SNX24: variants seen among roughly 807,000 people sequenced by gnomAD.
SNX24 encodes the protein sorting nexin-24.
In SNX24, 22 loss-of-function variants were observed where a neutral mutation model predicts 28.7. The observed-to-expected ratio is 0.77, with a 90% CI of 0.55 to 1.10. The LOEUF (loss-of-function observed/expected upper bound fraction) is 1.10. SNX24 is among the 50% of genes least tolerant of loss of function. SNX24 has a pLI of 0.00. For synonymous variants in SNX24, 69 were observed against 71.5 expected, an observed-to-expected ratio of 0.96 and a Z score of 0.18; for missense variants, 221 against 201.1, an observed-to-expected ratio of 1.10 and a Z score of -0.60.
intron 1 of SNX24, among the ~76,000 whole-genome samples, chr5:122,918,235 T>C (rs746184806): frequency 3.9e-5 from 6 of 151,938 alleles, no homozygotes; most frequent in Non-Finnish European, 8.8e-5. Context: ...AGCATACGAA[T>C]TGGGAGGTGG....
chr5:122,915,195 C>T (rs970647974), intron 1 of SNX24, among the ~76,000 whole-genome samples: 4 of 152,112 alleles, frequency 2.6e-5, no homozygotes, highest in Non-Finnish European at 5.9e-5. Context: ...TTAAAATTTG[C>T]CCACTTTCAT....
intron 1 of SNX24, among the ~76,000 whole-genome samples, chr5:122,922,901 G>A (rs1172657901): frequency 6.6e-6 from 1 of 152,086 alleles, no homozygotes; most frequent in Non-Finnish European, 1.5e-5. Context: ...CCTTGAATAG[G>A]GTCTAGCACA....
chr5:122,871,455 A>G (rs1755975577), intron 1 of SNX24, among the ~76,000 whole-genome samples: 1 of 152,180 alleles, frequency 6.6e-6, no homozygotes, highest in Non-Finnish European at 1.5e-5. Context: ...GGAGTGGCTT[A>G]TAAACAAATG....
At chr5:122,997,533 C>G (rs1427088359) in intron 3 of SNX24, among the ~76,000 whole-genome samples, 6 of 152,164 alleles carry the variant, frequency 3.9e-5, no homozygotes, top group African/African-American at 1.4e-4. Flanking sequence ...ATGATCATGC[C>G]GTAGATGTAG....
chr5:122,877,534 A>T (rs1561536972), intron 1 of SNX24, among the ~76,000 whole-genome samples: 1 of 152,150 alleles, frequency 6.6e-6, no homozygotes. Flanking sequence ...TGGTAGCTGA[A>T]ATAAAAAGAT....
At chr5:122,979,467 T>A (rs1232957452) in intron 3 of SNX24, among the ~76,000 whole-genome samples, 1 of 151,926 alleles carries the variant, frequency 6.6e-6, no homozygotes, top group Non-Finnish European at 1.5e-5. Flanking sequence ...AAGAAGGGCT[T>A]ATGAGCCCAC....
chr5:122,954,518 T>C (rs1760119647), intron 3 of SNX24, among the ~76,000 whole-genome samples: 1 of 151,502 alleles, frequency 6.6e-6, no homozygotes, highest in Non-Finnish European at 1.5e-5. Flanking sequence ...CCAATACTGT[T>C]TTTTTTCTTT....
At chr5:122,924,300 C>T (rs1329179576) in intron 1 of SNX24, among the ~76,000 whole-genome samples, 2 of 152,188 alleles carry the variant, frequency 1.3e-5, no homozygotes, top group Non-Finnish European at 2.9e-5. Context: ...TCTCCTGTGA[C>T]TTGGACCATT....
At chr5:122,865,348 T>C (rs1755666707) in intron 1 of SNX24, among the ~76,000 whole-genome samples, 1 of 152,152 alleles carries the variant, frequency 6.6e-6, no homozygotes, top group African/African-American at 2.4e-5. Context: ...TTATATTTTT[T>C]GAGACTGAAT....
intron 3 of SNX24, among the ~76,000 whole-genome samples, chr5:122,997,801 CTTT>C (rs1287582733): frequency 6.6e-6 from 1 of 152,074 alleles, no homozygotes; most frequent in Non-Finnish European, 1.5e-5. Flanking sequence ...ACCCTCCCCT[CTTT>C]TTTTAAATCT....
chr5:122,858,028 A>C (rs1228586356), intron 1 of SNX24, among the ~76,000 whole-genome samples: 1 of 152,082 alleles, frequency 6.6e-6, no homozygotes, highest in Non-Finnish European at 1.5e-5. Flanking sequence ...TGATCCGCCC[A>C]CCTCGGCCTC....
chr5:122,999,802 G>A (rs1762181424), intron 3 of SNX24, 110 bp from the exon 4 acceptor site: 1 of 738,140 alleles, frequency 1.4e-6, no homozygotes, highest in South Asian at 1.6e-5. Context: ...TGTGAGGAAT[G>A]TTGCTGGTAA....
intron 1 of SNX24, among the ~76,000 whole-genome samples, chr5:122,875,470 G>A (rs1199752914): frequency 2.6e-5 from 4 of 152,212 alleles, no homozygotes; most frequent in Admixed American, 1.3e-4. Context: ...TAGGAGTGCA[G>A]CAGAACAGAA....
Position 123,006,426 on chromosome 5 carries a change from G to A in SNX24, c.443-1256G>A, listed in dbSNP as rs139978143. 6.1e-4 allele frequency among the ~76,000 whole-genome samples: 93 copies of A among 152,224 alleles called. 1 individual carries two copies. The highest frequency in any genetic ancestry group is 3.4e-3 in the Middle Eastern group (1 of 294). On this transcript the variant is annotated intron_variant, in intron 6 of 6. Coordinates refer to ENST00000261369, the MANE Select transcript of SNX24 (RefSeq NM_014035.4). ...TCCATGGTTCTCCATCCTCAACCTC[G>A]TTTGGGCTGCCACCATTGCCCTCTC...
At chr5:122,964,672 A>T (rs1048351938) in intron 3 of SNX24, among the ~76,000 whole-genome samples, 1 of 152,188 alleles carries the variant, frequency 6.6e-6, no homozygotes, top group Non-Finnish European at 1.5e-5. Context: ...TATAAAAAGT[A>T]TAAAAATAAA....
intron 1 of SNX24, among the ~76,000 whole-genome samples, chr5:122,891,525 T>C (rs1423832638): frequency 6.6e-6 from 1 of 152,230 alleles, no homozygotes; most frequent in East Asian, 1.9e-4. Flanking sequence ...TTTTTTAAAG[T>C]AAATTGCAAT....
chr5:122,898,123 A>G (rs1005001245), intron 1 of SNX24, among the ~76,000 whole-genome samples: 1 of 152,156 alleles, frequency 6.6e-6, no homozygotes, highest in African/African-American at 2.4e-5. Flanking sequence ...AAATAATTAC[A>G]TGTGGTTTTT....
intron 3 of SNX24, among the ~76,000 whole-genome samples, chr5:122,960,753 A>AGG (rs933585017): frequency 6.6e-6 from 1 of 152,174 alleles, no homozygotes; most frequent in Non-Finnish European, 1.5e-5. Context: ...TTACCAGAGA[A>AGG]GGGGTTCCCT....
At chr5:122,943,607 G>C (rs991493421) in intron 2 of SNX24, among the ~76,000 whole-genome samples, 6 of 151,456 alleles carry the variant, frequency 4.0e-5, no homozygotes, top group African/African-American at 1.5e-4. Flanking sequence ...TTTTTTTCTT[G>C]CTGGCTGAAC....
Sources: allele counts gnomAD v4.1 joint callset (sites outside exome capture counted in the v4.1 genomes callset), GRCh38; gene constraint gnomAD v4.1.1; transcripts MANE v1.5; gene names NCBI Gene and HGNC (gene_info 2026-07-23, HGNC 2026-07-21).